USO1: variants seen among roughly 807,000 people sequenced by gnomAD.
USO1 encodes general vesicular transport factor p115.
In USO1, 57 loss-of-function variants were observed where a neutral mutation model predicts 124.5. The ratio of observed to expected loss-of-function variants is 0.46; its 90% CI spans 0.37 to 0.57. The LOEUF (loss-of-function observed/expected upper bound fraction) is 0.57, where lower values mean the gene tolerates loss of function less well. Among genes scored for constraint, USO1 ranks in the 20% least tolerant of loss-of-function variants. USO1 has a pLI of 0.00. For missense variants in USO1, 900 were observed against 1,040.6 expected (o/e 0.86, Z 1.86); for synonymous variants, 369 against 362.8 (o/e 1.02, Z -0.19).
chr4:75,794,939 T>C (rs1238302332), intron 13 of USO1, among the ~76,000 whole-genome samples: 1 of 152,240 alleles, frequency 6.6e-6, no homozygotes, highest in Non-Finnish European at 1.5e-5. Context: ...ATGTCTTTAC[T>C]TATTACTTGG....
chr4:75,772,001 C>T (rs1289770961), intron 7 of USO1, among the ~76,000 whole-genome samples: 1 of 152,142 alleles, frequency 6.6e-6, no homozygotes, highest in Non-Finnish European at 1.5e-5. Context: ...ATGTCTTACT[C>T]ATCTTTTTAT....
chr4:75,778,197 C>T (rs1282614064), intron 8 of USO1, among the ~76,000 whole-genome samples: 1 of 152,152 alleles, frequency 6.6e-6, no homozygotes, highest in Non-Finnish European at 1.5e-5. Flanking sequence ...TCCCCCAAAA[C>T]TTAACCGCTA....
chr4:75,768,364 A>G (rs559494978), intron 4 of USO1, among the ~76,000 whole-genome samples: 1 of 152,296 alleles, frequency 6.6e-6, no homozygotes, highest in South Asian at 2.1e-4. Context: ...TAAGTAGCAC[A>G]CACCTATTGT....
At chr4:75,725,138 G>A (rs1434294512) in intron 1 of USO1, among the ~76,000 whole-genome samples, 1 of 152,216 alleles carries the variant, frequency 6.6e-6, no homozygotes, top group Non-Finnish European at 1.5e-5. Context: ...CCTGAAGCTC[G>A]GGCTAGGAGA....
chr4:75,796,081 AT>A (rs1210505058), intron 13 of USO1, among the ~76,000 whole-genome samples: 2 of 152,298 alleles, frequency 1.3e-5, no homozygotes, highest in Admixed American at 1.3e-4. Flanking sequence ...ATGATTTAAC[AT>A]GTGTCATTAA....
At chr4:75,734,155 A>G (rs772729374) in intron 1 of USO1, among the ~76,000 whole-genome samples, 1 of 152,074 alleles carries the variant, frequency 6.6e-6, no homozygotes, top group African/African-American at 2.4e-5. Context: ...CATGTTGGCC[A>G]GGATGGTCTC....
At chr4:75,790,271 G>A in intron 11 of USO1, 33 bp downstream of exon 11, 1 of 1,560,670 alleles carries the variant, frequency 6.4e-7, no homozygotes, top group Non-Finnish European at 8.7e-7. Context: ...ATTACTCTGA[G>A]GAAGTAAAAA....
rs537392674 is a variant in USO1, at chr4:75,813,945, T to C, written c.*650T>C. ...CATTCCGGAGAAACTTTTGCAACAG[T>C]GTATTAATGTGATTGGTTTTCTTTT... On this transcript the variant is annotated 3_prime_UTR_variant, in exon 24 of 24. Coordinates refer to ENST00000514213, the MANE Select transcript of USO1 (RefSeq NM_003715.4). 2.4e-4 allele frequency: 36 copies of C among 152,340 alleles called. No homozygotes were observed. The highest frequency in any genetic ancestry group is 8.4e-4 in the African/African-American group (35 of 41,582). 9.4% of individuals were successfully genotyped at this position (152,340 alleles called of 1,614,324 possible). A position where few individuals can be genotyped will look rare whatever the true frequency, so the allele number is the denominator to read the frequency against.
chr4:75,800,900 G>T, intron 16 of USO1, 101 bp downstream of exon 16: 1 of 1,468,790 alleles, frequency 6.8e-7, no homozygotes, highest in Non-Finnish European at 9.0e-7. Context: ...AACTCTAAAG[G>T]TATATTTTCT....
intron 7 of USO1, among the ~76,000 whole-genome samples, chr4:75,773,707 A>G (rs1721996929): frequency 6.6e-6 from 1 of 152,182 alleles, no homozygotes; most frequent in African/African-American, 2.4e-5. Context: ...TTTGACATCC[A>G]AAAATAACTG....
chr4:75,795,027 A>G (rs567035323), intron 13 of USO1, among the ~76,000 whole-genome samples: 2 of 152,258 alleles, frequency 1.3e-5, no homozygotes, highest in African/African-American at 4.8e-5. Context: ...CACCATCACC[A>G]CAGACTTCAC....
intron 13 of USO1, among the ~76,000 whole-genome samples, chr4:75,796,330 TCCATCATGC>T (rs1722677716): frequency 3.0e-5 from 1 of 33,658 alleles, no homozygotes; most frequent in East Asian, 6.1e-3. Flanking sequence ...CCCAGAAAGT[TCCATCATGC>T]TCTTTTTTTT....
At chr4:75,805,566 G>T (rs553046994) in intron 19 of USO1, among the ~76,000 whole-genome samples, 1 of 152,226 alleles carries the variant, frequency 6.6e-6, no homozygotes, top group South Asian at 2.1e-4. Context: ...AATTAGCCGG[G>T]CATGGTGGCA....
At chr4:75,750,873 T>G (rs1288137613) in intron 1 of USO1, among the ~76,000 whole-genome samples, 1 of 152,212 alleles carries the variant, frequency 6.6e-6, no homozygotes, top group Admixed American at 6.5e-5. Context: ...TCTAGAAGTT[T>G]TACAGTTTTA....
chr4:75,810,639 A>T, intron 22 of USO1, 100 bp downstream of exon 22: 1 of 1,300,574 alleles, frequency 7.7e-7, no homozygotes, highest in Non-Finnish European at 1.0e-6. Flanking sequence ...GAAGAAAGCT[A>T]ATGATGTGTA....
rs758504722 is a variant in USO1 at position 75,800,478 on chromosome 4, G to C, written c.1682+9G>C. The C allele has an allele frequency of 4.8e-5, 76 of 1,574,768 alleles. No homozygotes were observed. Among genetic ancestry groups the C allele is most frequent in the Admixed American group, 1.2e-4 (6 of 51,514 alleles). Reference sequence around the variant, plus strand: ...CTTGAGAGCTACATGAAGTAAGTAAGGGGAAGATGGTTTTCTAATGGCATC... The same window carrying C: ...CTTGAGAGCTACATGAAGTAAGTAACGGGAAGATGGTTTTCTAATGGCATC... On this transcript the variant is annotated intron_variant, in intron 15 of 23. Coordinates refer to ENST00000514213, the MANE Select transcript of USO1 (RefSeq NM_003715.4).
chr4:75,732,006 A>G (rs1014921104), intron 1 of USO1, among the ~76,000 whole-genome samples: 1 of 152,212 alleles, frequency 6.6e-6, no homozygotes, highest in Non-Finnish European at 1.5e-5. Context: ...TCTCTAAACA[A>G]TATTTTTTCC....
chr4:75,807,168 T>G (rs1158488758), intron 20 of USO1, among the ~76,000 whole-genome samples: 3 of 152,108 alleles, frequency 2.0e-5, no homozygotes, highest in Admixed American at 6.6e-5. Context: ...ATGAAAAAAT[T>G]TAAATGTATT....
intron 13 of USO1, among the ~76,000 whole-genome samples, chr4:75,794,703 G>A (rs1312295441): frequency 6.6e-6 from 1 of 152,094 alleles, no homozygotes; most frequent in Admixed American, 6.5e-5. Flanking sequence ...ATAATAATGT[G>A]GTTGTGTCCT....
Sources: gnomAD v4.1 joint callset for allele counts (sites outside exome capture counted in the v4.1 genomes callset) on GRCh38, gnomAD v4.1.1 for gene constraint, MANE v1.5 for transcripts, NCBI Gene and HGNC (gene_info 2026-07-23, HGNC 2026-07-21) for gene names.